Variants in TRPM7 observed in about 807,000 individuals in gnomAD.
TRPM7 encodes LTRPC ion channel family member 7.
TRPM7 carries 134 observed loss-of-function variants against 229.7 expected under a neutral mutation model. The observed-to-expected ratio is 0.58, with a 90% confidence interval of 0.51 to 0.67. TRPM7 has a LOEUF of 0.67. Among genes scored for constraint, TRPM7 ranks in the 30% least tolerant of loss-of-function variants. The pLI, the probability that TRPM7 is intolerant of heterozygous loss-of-function variation, is 0.00. For synonymous variants in TRPM7, 699 were observed against 715.2 expected, an observed-to-expected ratio of 0.98 and a Z score of 0.36; for missense variants, 1,901 against 2,210.0, an observed-to-expected ratio of 0.86 and a Z score of 2.80.
rs780771270 is a variant in TRPM7 at position 50,583,163 on chromosome 15, A to C, written c.4487-4T>G. On this transcript the variant is annotated splice_region_variant and splice_polypyrimidine_tract_variant and intron_variant, in intron 28 of 38. Coordinates refer to ENST00000646667, the MANE Select transcript of TRPM7 (RefSeq NM_017672.6). ...GGCCTTCTACTGATTTTTTCTGCTA[A>C]AAGAAAATTAAAAAATATAAAAAAG... 2 of 1,591,122 alleles carry C rather than the reference A, an allele frequency of 1.3e-6. No individual in the cohort carries two copies. Among genetic ancestry groups the C allele is most frequent in the Non-Finnish European group, 1.7e-6 (2 of 1,170,068 alleles).
At chr15:50,684,156 G>GT (rs1029107209) in intron 1 of TRPM7, among the ~76,000 whole-genome samples, 299 of 142,550 alleles carry the variant, frequency 2.1e-3, no homozygotes, top group Middle Eastern at 3.8e-3. Flanking sequence ...TGATTAAGTC[G>GT]TTTTTTTTTT....
intron 10 of TRPM7, 29 bp downstream of exon 10, chr15:50,631,388 T>C (rs1197098047): frequency 2.1e-6 from 3 of 1,457,940 alleles, no homozygotes; most frequent in Non-Finnish European, 2.9e-6. Context: ...TAAAAGGTCT[T>C]ACAAATAAAA....
intron 11 of TRPM7, among the ~76,000 whole-genome samples, chr15:50,626,598 T>C (rs1044953133): frequency 1.3e-5 from 2 of 152,078 alleles, no homozygotes; most frequent in Non-Finnish European, 2.9e-5. Flanking sequence ...AAACCACATA[T>C]ACACAGAAGA....
At chr15:50,654,232 G>A (rs937052202) in intron 3 of TRPM7, among the ~76,000 whole-genome samples, 1 of 151,646 alleles carries the variant, frequency 6.6e-6, no homozygotes, top group South Asian at 2.1e-4. Context: ...GATCACCTGA[G>A]GTCAGGAGTT....
At chr15:50,685,614 C>T (rs1370337668) in intron 1 of TRPM7, among the ~76,000 whole-genome samples, 1 of 152,226 alleles carries the variant, frequency 6.6e-6, no homozygotes, top group Non-Finnish European at 1.5e-5. Context: ...CAGACTCCAG[C>T]AGAGGGAGAG....
chr15:50,580,824 T>C (rs1379057154), intron 30 of TRPM7, 50 bp downstream of exon 30: 1 of 1,526,816 alleles, frequency 6.5e-7, no homozygotes. Context: ...AAGACAACAT[T>C]CAATAACTAT....
chr15:50,640,273 C>A lies in TRPM7; in HGVS notation c.536-725G>T, dbSNP rs573952707. On this transcript the variant is annotated intron_variant, in intron 5 of 38. Transcript: ENST00000646667. Reference sequence around the variant, plus strand: ...AGCATATAACTCCTCATTATCACTTCTTTTTTTTGAGGGAGGGAGTCAGGG... The same window carrying A: ...AGCATATAACTCCTCATTATCACTTATTTTTTTTGAGGGAGGGAGTCAGGG... Among the ~76,000 whole-genome samples, 23 of 151,608 alleles carry A rather than the reference C, an allele frequency of 1.5e-4. No homozygotes were observed. In the South Asian group the frequency reaches 4.8e-3, roughly 32 times the overall value.
intron 1 of TRPM7, among the ~76,000 whole-genome samples, chr15:50,685,480 A>G (rs2062336955): frequency 6.6e-6 from 1 of 152,192 alleles, no homozygotes; most frequent in African/African-American, 2.4e-5. Flanking sequence ...AAAAAAGAAT[A>G]AGGTGGAAAA....
intron 31 of TRPM7, among the ~76,000 whole-genome samples, chr15:50,576,402 T>G (rs1396584876): frequency 6.6e-6 from 1 of 152,242 alleles, no homozygotes; most frequent in Non-Finnish European, 1.5e-5. Flanking sequence ...AAGTCAAATC[T>G]GCTATGTGCT....
chr15:50,635,318 T>C (rs1418625296), intron 7 of TRPM7, among the ~76,000 whole-genome samples: 8 of 42,914 alleles, frequency 1.9e-4, no homozygotes, highest in Admixed American at 1.1e-3. Context: ...CTCCCTCACA[T>C]AAAAAAAAAA....
chr15:50,612,504 A>C, intron 16 of TRPM7, 45 bp downstream of exon 16: 1 of 1,568,206 alleles, frequency 6.4e-7, no homozygotes, highest in Non-Finnish European at 8.7e-7. Context: ...AACAATACCT[A>C]CTTTGAATTT....
intron 16 of TRPM7, 77 bp downstream of exon 16, chr15:50,612,472 G>A (rs181562689): frequency 8.7e-5 from 111 of 1,269,772 alleles, no homozygotes; most frequent in Admixed American, 4.2e-4. Flanking sequence ...CATTAAGTAC[G>A]TGGCACTGTA....
At chr15:50,657,399 G>A (rs1188465472) in intron 3 of TRPM7, among the ~76,000 whole-genome samples, 1 of 152,144 alleles carries the variant, frequency 6.6e-6, no homozygotes, top group African/African-American at 2.4e-5. Context: ...TCAAAAGCAT[G>A]TGCAACAAAA....
At chr15:50,671,321 T>C (rs1416834390) in intron 1 of TRPM7, among the ~76,000 whole-genome samples, 2 of 152,168 alleles carry the variant, frequency 1.3e-5, no homozygotes, top group Non-Finnish European at 2.9e-5. Flanking sequence ...CTTGTCTTTC[T>C]GTTCCTGGCT....
intron 31 of TRPM7, among the ~76,000 whole-genome samples, chr15:50,576,992 G>A (rs2054164906): frequency 6.6e-6 from 1 of 152,102 alleles, no homozygotes; most frequent in Non-Finnish European, 1.5e-5. Flanking sequence ...CCCACCTGTA[G>A]TCCTAGCCAC....
rs149247495 is a variant in TRPM7 at position 50,684,512 on chromosome 15, G to A, written c.3+2019C>T. Among the ~76,000 whole-genome samples the A allele has an allele frequency of 4.2e-3, 642 of 151,874 alleles. 5 individuals are homozygous for A. Among genetic ancestry groups the A allele is most frequent in the African/African-American group, 0.015 (607 of 41,396 alleles). On this transcript the variant is annotated intron_variant, in intron 1 of 38. Coordinates refer to ENST00000646667, the MANE Select transcript of TRPM7 (RefSeq NM_017672.6). Reference sequence around the variant, plus strand: ...AAAAATTAGCCGGGTGTGGTGGCTCGCACCTGGAGTCCCAGCTACTCGGGA... The same window carrying A: ...AAAAATTAGCCGGGTGTGGTGGCTCACACCTGGAGTCCCAGCTACTCGGGA...
Position 50,569,930 on chromosome 15 carries a change from TG to T in TRPM7, c.5423del (p.Ala1808GlufsTer17), listed in dbSNP as rs2053788421. Reference sequence around the variant, plus strand: ...TACAGCAAGAATTACAGTGATGTTTTGCTCTGAAGTTTTTAATTGCATCTTC... The same window carrying T: ...TACAGCAAGAATTACAGTGATGTTTTCTCTGAAGTTTTTAATTGCATCTTC... ...LGEDAIKNFR[A>X]KHHCNSCCRK... On this transcript the variant is annotated frameshift_variant, in exon 38 of 39. Coordinates refer to ENST00000646667, the MANE Select transcript of TRPM7 (RefSeq NM_017672.6). LOFTEE classifies it high-confidence loss of function. 6.2e-7 allele frequency: 1 copy of T among 1,612,672 alleles called. No homozygotes were observed. Among genetic ancestry groups the T allele is most frequent in the Non-Finnish European group, 8.5e-7 (1 of 1,179,352 alleles).
chr15:50,612,418 TTC>T lies in TRPM7; in HGVS notation c.2051+129_2051+130del, dbSNP rs530510408. On this transcript the variant is annotated intron_variant, in intron 16 of 38. Coordinates refer to ENST00000646667, the MANE Select transcript of TRPM7 (RefSeq NM_017672.6). ...TAAAAAAATATATACTTATATAATT[TTC>T]TGTCAATTGTACCAATAAGATTATA... 616 of 611,898 alleles carry T rather than the reference TTC, an allele frequency of 1.0e-3. No homozygotes were observed. The African/African-American group carries it at 0.011, about 10-fold the overall frequency. 37.9% of individuals were successfully genotyped at this position (611,898 alleles called of 1,614,324 possible).
Position 50,561,832 on chromosome 15 carries a change from TAA to T in TRPM7, c.5468-26_5468-25del, listed in dbSNP as rs75278275. 9,357 of 1,270,576 alleles carry T rather than the reference TAA, an allele frequency of 7.4e-3. 2 individuals are homozygous for T. Among genetic ancestry groups the T allele is most frequent in the South Asian group, 0.014 (888 of 61,586 alleles). The allele number at this position is 1,270,576 out of a possible 1,614,324, so 78.7% of individuals were successfully genotyped here. A position where few individuals can be genotyped will look rare whatever the true frequency, so the allele number is the denominator to read the frequency against. On this transcript the variant is annotated intron_variant, in intron 38 of 38. Transcript: ENST00000646667. ...ATCTACATTGAACACCCACAACAATTAAAAAAAAAAAAGAAAGAGAAAAGAAA... is the reference window on the plus strand; with the variant it reads ...ATCTACATTGAACACCCACAACAATTAAAAAAAAAAGAAAGAGAAAAGAAA...
Sources: gnomAD v4.1 joint callset for allele counts (sites outside exome capture counted in the v4.1 genomes callset) on GRCh38, gnomAD v4.1.1 for gene constraint, MANE v1.5 for transcripts, NCBI Gene and HGNC (gene_info 2026-07-23, HGNC 2026-07-21) for gene names.